ZNF777: variants seen among roughly 807,000 people sequenced by gnomAD.
ZNF777 encodes the protein zinc finger protein 777.
In ZNF777, 7 loss-of-function variants were observed where a neutral mutation model predicts 72.1. That is an observed-to-expected ratio of 0.10 (90% confidence interval 0.06 to 0.18). The LOEUF is 0.18. Among genes scored for constraint, ZNF777 ranks in the 10% least tolerant of loss-of-function variants. The pLI is 1.00. For missense variants in ZNF777, 828 were observed against 1,128.6 expected (o/e 0.73, Z 3.82); for synonymous variants, 545 against 483.5 (o/e 1.13, Z -1.67).
In ZNF777 at chr7:149,431,545, G is replaced by A. The variant is rs577268288; in HGVS notation, c.*231C>T. On this transcript the variant is annotated 3_prime_UTR_variant, in exon 6 of 6. Coordinates refer to ENST00000247930, the MANE Select transcript of ZNF777 (RefSeq NM_015694.3). ...TGTCAAGGAAATTAACAGCCCGAAAGGGTTCCCCAGGTCCGCGCCCTCCCC... is the reference window on the plus strand; with the variant it reads ...TGTCAAGGAAATTAACAGCCCGAAAAGGTTCCCCAGGTCCGCGCCCTCCCC... 1 of 459,700 alleles carries A rather than the reference G, an allele frequency of 2.2e-6. No individual in the cohort carries two copies. Among genetic ancestry groups the A allele is most frequent in the South Asian group, 1.6e-5 (1 of 63,416 alleles). The allele number at this position is 459,700 out of a possible 1,614,324, so 28.5% of individuals were successfully genotyped here. A position where few individuals can be genotyped will look rare whatever the true frequency, so the allele number is the denominator to read the frequency against.
At position 149,431,633 on chromosome 7, in the gene ZNF777, G is replaced by C. The variant is rs148443446; in HGVS notation, c.*143C>G. On this transcript the variant is annotated 3_prime_UTR_variant, in exon 6 of 6. Transcript: ENST00000247930. ...GGTCTCACTGCCCCCATGTCCTTGG[G>C]AGGAGGGACGAGAGGAGAGGGGGAG... 6 of 829,262 alleles carry C rather than the reference G, an allele frequency of 7.2e-6. No homozygotes were observed. The highest frequency in any genetic ancestry group is 8.1e-5 in the East Asian group (1 of 12,358). 51.4% of individuals were successfully genotyped at this position (829,262 alleles called of 1,614,324 possible).
At position 149,455,663 on chromosome 7, in the gene ZNF777, G is replaced by A; in HGVS notation, c.360C>T (p.His120=). Residue 120 remains histidine (H), a synonymous_variant, in exon 2 of 6, where the codon CAC becomes CAT. Coordinates refer to ENST00000247930, the MANE Select transcript of ZNF777 (RefSeq NM_015694.3). This position sits in a 1 kb window ranked among gnomAD's most constrained non-coding sequence, Gnocchi z 4.2. ...CGGGGGCTTCCTGGTGGTGGGGGGA[G>A]TGGGAGAGAAGGGAGACTTCTTGTT... ...AAEQEVSLLS[H]SPHHQEAPVH... The A allele has an allele frequency of 1.3e-6, 2 of 1,568,282 alleles. No individual in the cohort carries two copies. The highest frequency in any genetic ancestry group is 1.2e-5 in the South Asian group (1 of 85,052).
At position 149,460,554 on chromosome 7, in the gene ZNF777, G is replaced by A. The variant is rs1294453710; in HGVS notation, c.-16+261C>T. Among the ~76,000 whole-genome samples, 3 of 151,788 alleles carry A rather than the reference G, an allele frequency of 2.0e-5. No homozygotes were observed. The highest frequency in any genetic ancestry group is 7.2e-5 in the African/African-American group (3 of 41,404). On this transcript the variant is annotated intron_variant, in intron 1 of 5. Transcript: ENST00000247930. This position sits in a 1 kb window ranked among gnomAD's most constrained non-coding sequence, Gnocchi z 6.1. ...GCCGTCCCGGCGCCTCTTTAGCAGG[G>A]GAGCTGCACAGCAGCTGCCATGTTG...
rs1404798146 is a variant in ZNF777 at position 149,455,335 on chromosome 7, A to T, written c.688T>A (p.Phe230Ile). ...IADCEKTAVE[F>I]ANHLESKWVV... The stretch of plus-strand genomic sequence containing the variant: ...CACTTGCTCTCCAGATGGTTCGCGA[A>T]CTCCACGGCTGTCTTCTCGCAGTCG... Residue 230 changes from phenylalanine (F) to isoleucine (I), a missense_variant, in exon 2 of 6, where the codon TTC becomes ATC. Transcript: ENST00000247930. The surrounding 1 kb of genome is among the most constrained non-coding windows in gnomAD (Gnocchi z 4.2). 1.5e-5 allele frequency: 25 copies of T among 1,613,956 alleles called. No homozygotes were observed. Among genetic ancestry groups the T allele is most frequent in the Non-Finnish European group, 1.9e-5 (22 of 1,180,000 alleles).
chr7:149,456,290 TA>T (rs1563241243), intron 1 of ZNF777, among the ~76,000 whole-genome samples: 1 of 152,128 alleles, frequency 6.6e-6, no homozygotes, highest in Non-Finnish European at 1.5e-5. Flanking sequence ...TTTCACAACA[TA>T]CATTGCACGG....
chr7:149,448,559 T>TTATA lies in ZNF777; in HGVS notation c.1087+2436_1087+2439dup, dbSNP rs1439170785. Among the ~76,000 whole-genome samples the TTATA allele has an allele frequency of 6.1e-3, 604 of 98,466 alleles. 4 individuals carry two copies. Among genetic ancestry groups the TTATA allele is most frequent in the South Asian group, 0.017 (51 of 3,074 alleles). The allele number at this position is 98,466 out of a possible 152,430, so 64.6% of individuals were successfully genotyped here. ...GTTATATATATAGTTATACATATAGTTATATAGTTATACATATAACTATAT... is the reference window on the plus strand; with the variant it reads ...GTTATATATATAGTTATACATATAGTTATATATATAGTTATACATATAACTATAT... On this transcript the variant is annotated intron_variant, in intron 4 of 5. Coordinates refer to ENST00000247930, the MANE Select transcript of ZNF777 (RefSeq NM_015694.3).
intron 4 of ZNF777, among the ~76,000 whole-genome samples, chr7:149,447,939 A>G (rs1208899849): frequency 6.6e-6 from 1 of 152,184 alleles, no homozygotes; most frequent in Non-Finnish European, 1.5e-5. Flanking sequence ...CAGGGTTAAT[A>G]TAGTTCTTGA....
chr7:149,447,275 C>T (rs568330120), intron 4 of ZNF777, among the ~76,000 whole-genome samples: 3 of 152,320 alleles, frequency 2.0e-5, no homozygotes, highest in South Asian at 2.1e-4. Flanking sequence ...ACTCTGCTGC[C>T]GACACCCAAA....
intron 4 of ZNF777, among the ~76,000 whole-genome samples, chr7:149,438,530 CAT>C (rs1334439958): frequency 1.3e-5 from 2 of 152,158 alleles, no homozygotes; most frequent in Non-Finnish European, 2.9e-5. Flanking sequence ...GCACCAACTA[CAT>C]GTCATGTGGT....
chr7:149,457,159 G>A (rs753756278), intron 1 of ZNF777, among the ~76,000 whole-genome samples: 73 of 152,272 alleles, frequency 4.8e-4, no homozygotes, highest in Non-Finnish European at 8.5e-4. Flanking sequence ...AATGACCCAC[G>A]CTCTCCTTGT....
At chr7:149,437,468 G>A (rs533699523) in intron 4 of ZNF777, among the ~76,000 whole-genome samples, 18 of 152,252 alleles carry the variant, frequency 1.2e-4, no homozygotes, top group Admixed American at 3.3e-4. Flanking sequence ...TCCCAAGCAC[G>A]TATGCATGTA....
chr7:149,445,508 C>G (rs755454814), intron 4 of ZNF777, among the ~76,000 whole-genome samples: 31 of 152,140 alleles, frequency 2.0e-4, no homozygotes, highest in Non-Finnish European at 4.1e-4. Context: ...GTCATTTTAC[C>G]CAGAAACCTC....
rs998115334 is a variant in ZNF777, at chr7:149,460,644, C to T, written c.-16+171G>A. ...GTTTAAAGAGAAACACTCCGAGGCT[C>T]GTCGGAGGCTGCCGGAACCCAGACA... On this transcript the variant is annotated intron_variant, in intron 1 of 5. Coordinates refer to ENST00000247930, the MANE Select transcript of ZNF777 (RefSeq NM_015694.3). The surrounding 1 kb of genome is among the most constrained non-coding windows in gnomAD (Gnocchi z 6.1). 1.7e-4 allele frequency among the ~76,000 whole-genome samples: 26 copies of T among 152,080 alleles called. No individual in the cohort carries two copies. Among genetic ancestry groups the T allele is most frequent in the Admixed American group, 7.2e-4 (11 of 15,270 alleles).
chr7:149,451,559 G>C (rs1197845936), intron 3 of ZNF777, among the ~76,000 whole-genome samples: 2 of 152,088 alleles, frequency 1.3e-5, no homozygotes, highest in South Asian at 2.1e-4. Flanking sequence ...AGGCGTGGTG[G>C]CGGATGCCTG....
At chr7:149,449,433 T>C (rs1299924371) in intron 4 of ZNF777, among the ~76,000 whole-genome samples, 1 of 152,216 alleles carries the variant, frequency 6.6e-6, no homozygotes, top group Non-Finnish European at 1.5e-5. Flanking sequence ...CCATCTGTGA[T>C]GAGGCAGGGA....
chr7:149,447,109 T>C (rs774379155), intron 4 of ZNF777, among the ~76,000 whole-genome samples: 2 of 152,160 alleles, frequency 1.3e-5, no homozygotes, highest in African/African-American at 4.8e-5. Context: ...TGGCTGCAGA[T>C]GAAAATCACC....
intron 1 of ZNF777, chr7:149,459,816 ACGGACGCAGCG>A (rs1442755606): frequency 3.0e-6 from 3 of 984,474 alleles, no homozygotes; most frequent in East Asian, 2.3e-4. Context: ...GGCTACCCCG[ACGGACGCAGCG>A]CGGGCCCCGC....
chr7:149,432,015 G>A lies in ZNF777; in HGVS notation c.2257C>T (p.Pro753Ser), dbSNP rs1235292237. 6.2e-6 allele frequency: 10 copies of A among 1,607,120 alleles called. No homozygotes were observed. Among genetic ancestry groups the A allele is most frequent in the Non-Finnish European group, 7.6e-6 (9 of 1,178,774 alleles). Residue 753 changes from proline (P) to serine (S), a missense_variant, in exon 6 of 6, where the codon CCC becomes TCC. Transcript: ENST00000247930. ...VHSRERPHAC[P>S]ECGKSFIRKH... ...CGGATGAAGCTCTTGCCGCACTCGG[G>A]GCAGGCGTGCGGCCGCTCGCGCGAG...
chr7:149,455,698 C>G lies in ZNF777; in HGVS notation c.325G>C (p.Ala109Pro). ...AGGGAGACTTCTTGTTCAGCAGCAG[C>G]TGGGGGTGGATACTGGGTCCCTTCC... Reference protein sequence around the residue: ...SQEGTQYPPPAAAEQEVSLLS... With the variant: ...SQEGTQYPPPPAAEQEVSLLS... Residue 109 changes from alanine (A) to proline (P), a missense_variant, in exon 2 of 6, where the codon GCT (alanine) becomes CCT (proline). Transcript: ENST00000247930. The surrounding 1 kb of genome is among the most constrained non-coding windows in gnomAD (Gnocchi z 4.2). The G allele has an allele frequency of 6.4e-7, 1 of 1,570,762 alleles. No individual in the cohort carries two copies. The highest frequency in any genetic ancestry group is 8.6e-7 in the Non-Finnish European group (1 of 1,158,882).
Sources: allele counts gnomAD v4.1 joint callset (sites outside exome capture counted in the v4.1 genomes callset), GRCh38; gene constraint gnomAD v4.1.1; non-coding constraint Gnocchi (gnomAD v3.1); transcripts MANE v1.5; gene names NCBI Gene and HGNC (gene_info 2026-07-23, HGNC 2026-07-21).